Variants in NTAN1 observed in about 807,000 individuals in gnomAD.
NTAN1 encodes the protein N-terminal asparagine amidase.
NTAN1 carries 32 observed loss-of-function variants against 41.9 expected under a neutral mutation model. The observed-to-expected ratio is 0.76, with a 90% CI of 0.58 to 1.03. The LOEUF is 1.03. Among genes scored for constraint, NTAN1 ranks in the 50% least tolerant of loss-of-function variants. The pLI is 0.00. For synonymous variants in NTAN1, 140 were observed against 139.5 expected, an observed-to-expected ratio of 1.00 and a Z score of -0.03; for missense variants, 377 against 377.5, an observed-to-expected ratio of 1.00 and a Z score of 0.01.
At chr16:15,038,766 T>C (rs2043667375) in intron 8 of NTAN1, 79 bp from the exon 9 acceptor site, 3 of 734,416 alleles carry the variant, frequency 4.1e-6, no homozygotes, top group South Asian at 3.3e-5. Flanking sequence ...CAAGCTCCAG[T>C]GTAGTCCTTT....
chr16:15,038,157 T>G lies in NTAN1; in HGVS notation c.807A>C (p.Arg269Ser). 2 of 1,613,136 alleles carry G rather than the reference T, an allele frequency of 1.2e-6. No individual in the cohort carries two copies. The highest frequency in any genetic ancestry group is 1.7e-6 in the Non-Finnish European group (2 of 1,179,366). Residue 269 changes from arginine (R) to serine (S), a missense_variant, in exon 10 of 10, where the codon AGA (arginine) becomes AGC (serine). By Grantham distance (110) the Arg-to-Ser change is moderately radical. Transcript: ENST00000287706. ...AEPPHFVEHI[R>S]STLMFLKKHP... Reference sequence around the variant, plus strand: ...GTTTTTTTAAAAACATCAAGGTAGATCTAATATGTTCAACAAAGTGGGGTG... The same window carrying G: ...GTTTTTTTAAAAACATCAAGGTAGAGCTAATATGTTCAACAAAGTGGGGTG...
chr16:15,040,099 C>T, intron 7 of NTAN1, 33 bp from the exon 8 acceptor site: 1 of 1,225,458 alleles, frequency 8.2e-7, no homozygotes. Context: ...TCTGAATTGA[C>T]AAAAGACCAA....
chr16:15,041,002 G>T, intron 7 of NTAN1, 66 bp downstream of exon 7: 1 of 1,104,766 alleles, frequency 9.1e-7, no homozygotes. Context: ...TCATTGGTTT[G>T]CTGAATTAGA....
At chr16:15,046,386 G>A (rs1041904617) in intron 4 of NTAN1, among the ~76,000 whole-genome samples, 1 of 152,184 alleles carries the variant, frequency 6.6e-6, no homozygotes, top group African/African-American at 2.4e-5. Flanking sequence ...AGCAAGGAGA[G>A]GGGACAGGTG....
chr16:15,043,469 T>C (rs1343836709), intron 5 of NTAN1, among the ~76,000 whole-genome samples: 2 of 152,144 alleles, frequency 1.3e-5, no homozygotes, highest in African/African-American at 4.8e-5. Flanking sequence ...TTGAGCCCAG[T>C]AGGTTGAGGC....
chr16:15,051,003 G>A (rs903866916), intron 1 of NTAN1, among the ~76,000 whole-genome samples: 2 of 152,202 alleles, frequency 1.3e-5, no homozygotes, highest in Admixed American at 1.3e-4. Flanking sequence ...CACCTGTACA[G>A]GTGACAGCCT....
At chr16:15,050,523 A>C (rs2044253454) in intron 1 of NTAN1, among the ~76,000 whole-genome samples, 1 of 152,160 alleles carries the variant, frequency 6.6e-6, no homozygotes, top group Admixed American at 6.5e-5. Flanking sequence ...GCTTGAGCCT[A>C]AGAGTTCAAA....
chr16:15,047,569 A>AGGAC lies in NTAN1; in HGVS notation c.251-23_251-20dup. ...CCATTACCTGAAGAACAAGGGTGAA[A>AGGAC]GGACTCAAGTTATTCCCTGATGCGA... On this transcript the variant is annotated intron_variant, in intron 3 of 9. Coordinates refer to ENST00000287706, the MANE Select transcript of NTAN1 (RefSeq NM_173474.4). The AGGAC allele has an allele frequency of 6.4e-7, 1 of 1,557,694 alleles. No homozygotes were observed. The highest frequency in any genetic ancestry group is 8.9e-7 in the Non-Finnish European group (1 of 1,128,506).
At chr16:15,038,278 A>G in intron 9 of NTAN1, 68 bp from the exon 10 acceptor site, 2 of 1,116,434 alleles carry the variant, frequency 1.8e-6, no homozygotes, top group South Asian at 1.4e-5. Flanking sequence ...TAAAGATGTC[A>G]AAGTATCTTT....
chr16:15,050,032 C>A (rs2044235743), intron 1 of NTAN1, among the ~76,000 whole-genome samples: 2 of 152,162 alleles, frequency 1.3e-5, no homozygotes, highest in Non-Finnish European at 2.9e-5. Context: ...TTTCCTGTTG[C>A]TGTTGTCCTC....
intron 6 of NTAN1, among the ~76,000 whole-genome samples, 158 bp downstream of exon 6, chr16:15,041,465 A>G (rs1395640946): frequency 6.6e-6 from 1 of 152,038 alleles, no homozygotes; most frequent in African/African-American, 2.4e-5. Context: ...GACGAGGGCA[A>G]GGGGAAGGGG....
chr16:15,052,888 T>C (rs1286381588), intron 1 of NTAN1, among the ~76,000 whole-genome samples: 2 of 152,140 alleles, frequency 1.3e-5, no homozygotes, highest in African/African-American at 2.4e-5. Context: ...GAGCATCTTG[T>C]AGACTCTGTG....
intron 1 of NTAN1, among the ~76,000 whole-genome samples, chr16:15,051,701 T>TC (rs1047010572): frequency 6.8e-6 from 1 of 146,570 alleles, no homozygotes; most frequent in African/African-American, 2.5e-5. Context: ...ATTTTTAATT[T>TC]TTTTTTTTTT....
intron 6 of NTAN1, 74 bp downstream of exon 6, chr16:15,041,547 TGG>T (rs2043816668): frequency 2.1e-6 from 2 of 966,778 alleles, no homozygotes; most frequent in South Asian, 2.6e-5. Flanking sequence ...TGCCGGTGCT[TGG>T]GCCCACTGCA....
In NTAN1 at chr16:15,038,557, A is replaced by C; in HGVS notation, c.753+17T>G. 1 of 1,355,432 alleles carries C rather than the reference A, an allele frequency of 7.4e-7. No homozygotes were observed. Among genetic ancestry groups the C allele is most frequent in the Non-Finnish European group, 1.1e-6 (1 of 948,544 alleles). 84.0% of individuals were successfully genotyped at this position (1,355,432 alleles called of 1,614,324 possible). A position where few individuals can be genotyped will look rare whatever the true frequency, so the allele number is the denominator to read the frequency against. On this transcript the variant is annotated intron_variant, in intron 9 of 9. Coordinates refer to ENST00000287706, the MANE Select transcript of NTAN1 (RefSeq NM_173474.4). ...GGGTGCAGAGATTTAAGACTTACCC[A>C]GCCTGTAAACTCTCACCTCTAGTAT... is the stretch of plus-strand genomic sequence containing the variant.
intron 1 of NTAN1, among the ~76,000 whole-genome samples, chr16:15,048,604 G>A (rs759092561): frequency 2.6e-5 from 4 of 152,040 alleles, no homozygotes; most frequent in Non-Finnish European, 5.9e-5. Flanking sequence ...ATAGTGGATG[G>A]ATGGCTCTGA....
intron 6 of NTAN1, among the ~76,000 whole-genome samples, chr16:15,041,348 C>G (rs2043807265): frequency 6.6e-6 from 1 of 152,254 alleles, no homozygotes; most frequent in African/African-American, 2.4e-5. Context: ...ACCCCACCTT[C>G]TCTGTGCACC....
intron 1 of NTAN1, among the ~76,000 whole-genome samples, chr16:15,053,403 G>C (rs566669208): frequency 2.0e-5 from 3 of 152,142 alleles, no homozygotes; most frequent in Admixed American, 2.0e-4. Context: ...TCTAACTGTT[G>C]GTACTCCATA....
intron 8 of NTAN1, 116 bp from the exon 9 acceptor site, chr16:15,038,803 A>C: frequency 1.6e-6 from 1 of 610,292 alleles, no homozygotes; most frequent in Admixed American, 3.2e-5. Context: ...TAAGCTTCTT[A>C]AAACCTGTCT....
Sources: allele counts gnomAD v4.1 joint callset (sites outside exome capture counted in the v4.1 genomes callset), GRCh38; gene constraint gnomAD v4.1.1; transcripts MANE v1.5; gene names NCBI Gene and HGNC (gene_info 2026-07-23, HGNC 2026-07-21).